The following PCLO variants were observed in gnomAD, a reference collection of about 807,000 sequenced individuals.
PCLO encodes protein piccolo.
PCLO carries 82 observed loss-of-function variants against 427.5 expected under a neutral mutation model. The ratio of observed to expected loss-of-function variants is 0.19; its 90% CI spans 0.16 to 0.23. The LOEUF (loss-of-function observed/expected upper bound fraction) is 0.23, where lower values mean the gene tolerates loss of function less well. PCLO is among the 10% of genes least tolerant of loss of function. PCLO has a pLI of 1.00. For missense variants in PCLO, 6,239 were observed against 6,115.9 expected (o/e 1.02, Z -0.67); for synonymous variants, 2,357 against 2,155.4 (o/e 1.09, Z -2.59).
At chr7:83,132,659 A>T (rs1389909872) in intron 3 of PCLO, among the ~76,000 whole-genome samples, 6 of 152,118 alleles carry the variant, frequency 3.9e-5, no homozygotes, top group African/African-American at 1.4e-4. Flanking sequence ...ATTTTAAGTT[A>T]TAGTGCTCAA....
chr7:82,808,409 T>A (rs1038964693), intron 20 of PCLO, among the ~76,000 whole-genome samples: 1 of 151,944 alleles, frequency 6.6e-6, no homozygotes. Context: ...GATTTTTAGT[T>A]CTATTCCTCT....
At position 82,956,368 on chromosome 7, in the gene PCLO, G is replaced by C; in HGVS notation, c.4585C>G (p.Arg1529Gly). The C allele has an allele frequency of 6.2e-7, 1 of 1,613,238 alleles. No homozygotes were observed. The highest frequency in any genetic ancestry group is 8.5e-7 in the Non-Finnish European group (1 of 1,179,824). The change falls in exon 5 of 25, where the codon CGA becomes GGA. Residue 1529 changes from arginine (R) to glycine (G), a missense_variant. By Grantham distance (125) the Arg-to-Gly change is moderately radical (BLOSUM62 -2). Transcript: ENST00000333891. ...CTTGATGAGCCAACACTAGTTCTTC[G>C]TTTTCTTTGTGGAACAGGTGAGTTT... is the stretch of plus-strand genomic sequence containing the variant. ...SENSPVPQRK[R>G]RTSVGSSSSD...
At chr7:82,796,616 A>G (rs79976136) in intron 22 of PCLO, among the ~76,000 whole-genome samples, 1,534 of 152,004 alleles carry the variant, frequency 0.01, 17 homozygotes, top group African/African-American at 0.035. Context: ...ATTCCAAAGC[A>G]TATAATTTTC....
rs144768812 is a variant in PCLO, at chr7:83,086,261, C to T, written c.3300+47989G>A. The stretch of plus-strand genomic sequence containing the variant: ...AAGTAGCTGGGATTATAGGCACATG[C>T]TACCACGCCCAGCTAATTTTTGTAT... On this transcript the variant is annotated intron_variant, in intron 3 of 24. Transcript: ENST00000333891. 8.5e-3 allele frequency among the ~76,000 whole-genome samples: 1,290 copies of T among 152,224 alleles called. 11 individuals are homozygous for T. The highest frequency in any genetic ancestry group is 0.014 in the Non-Finnish European group (932 of 68,016).
At chr7:83,106,906 A>G (rs897931844) in intron 3 of PCLO, among the ~76,000 whole-genome samples, 2 of 152,102 alleles carry the variant, frequency 1.3e-5, no homozygotes, top group Non-Finnish European at 2.9e-5. Context: ...TCTAGTAAGA[A>G]AAATATTTAA....
chr7:82,902,693 T>C lies in PCLO; in HGVS notation c.13486A>G (p.Arg4496Gly). The C allele has an allele frequency of 6.2e-7, 1 of 1,601,798 alleles. No homozygotes were observed. Among genetic ancestry groups the C allele is most frequent in the Non-Finnish European group, 8.5e-7 (1 of 1,169,782 alleles). Reference sequence around the variant, plus strand: ...TTTGAGTCTCTTGTTATTTTTATCCTTGCGTGAGGAAAGATGTAGTGCATA... The same window carrying C: ...TTTGAGTCTCTTGTTATTTTTATCCCTGCGTGAGGAAAGATGTAGTGCATA... Reference protein sequence around the residue: ...KTMHYIFPHARIKITRDSKDH... With the variant: ...KTMHYIFPHAGIKITRDSKDH... Residue 4496 changes from arginine to glycine, a missense_variant, in exon 9 of 25, where the codon AGG becomes GGG. By Grantham distance (125) the Arg-to-Gly change is moderately radical. Around this residue, in one of 5 missense-constraint regions of PCLO, gnomAD observed 877 missense variants for 925.5 expected, o/e 0.95. Coordinates refer to ENST00000333891, the MANE Select transcript of PCLO (RefSeq NM_033026.6).
At chr7:82,876,995 T>C (rs772318576) in intron 10 of PCLO, among the ~76,000 whole-genome samples, 1 of 152,290 alleles carries the variant, frequency 6.6e-6, no homozygotes. Flanking sequence ...TTTTTAATGA[T>C]TTCTCACTTA....
intron 22 of PCLO, among the ~76,000 whole-genome samples, chr7:82,800,657 G>A (rs1305105678): frequency 1.3e-5 from 2 of 151,942 alleles, no homozygotes; most frequent in African/African-American, 2.4e-5. Flanking sequence ...GTGCAGTGGC[G>A]AGATCTGGGC....
intron 3 of PCLO, among the ~76,000 whole-genome samples, chr7:83,028,645 G>A (rs1459717593): frequency 4.5e-4 from 67 of 149,052 alleles, no homozygotes; most frequent in South Asian, 6.6e-4. Context: ...AGCCCGCATC[G>A]CCAAGTCAAT....
chr7:83,111,102 C>T (rs77056919), intron 3 of PCLO, among the ~76,000 whole-genome samples: 4,507 of 152,298 alleles, frequency 0.03, 120 homozygotes, highest in East Asian at 0.079. Context: ...TGATTTACAT[C>T]CATATGTCAA....
chr7:83,073,101 C>T (rs1436514940), intron 3 of PCLO, among the ~76,000 whole-genome samples: 2 of 152,002 alleles, frequency 1.3e-5, no homozygotes, highest in Middle Eastern at 3.4e-3. Flanking sequence ...TTTTATGTCC[C>T]TGCGGACAGC....
Position 82,949,601 on chromosome 7 carries a change from T to C in PCLO, c.10987A>G (p.Lys3663Glu). The C allele has an allele frequency of 1.2e-6, 2 of 1,613,872 alleles. No individual in the cohort carries two copies. Among genetic ancestry groups the C allele is most frequent in the Middle Eastern group, 1.6e-4 (1 of 6,062 alleles). Residue 3663 changes from lysine to glutamate, a missense_variant, in exon 6 of 25, where the codon AAA becomes GAA. Lys to Glu is a moderately conservative substitution (Grantham distance 56). Around this residue, in one of 5 missense-constraint regions of PCLO, gnomAD observed 4,677 missense variants for 4,468.4 expected, o/e 1.05. Coordinates refer to ENST00000333891, the MANE Select transcript of PCLO (RefSeq NM_033026.6). The stretch of plus-strand genomic sequence containing the variant: ...GTCTTAGGACTTGCTGGGGGAACTT[T>C]AGCCATATCTGGATGCAGTACTTTC... ...PQKVLHPDMA[K>E]VPPASPKTAK... is the part of the protein sequence containing the mutation.
rs765531582 is a variant in PCLO at position 83,154,714 on chromosome 7, GAA to G, written c.1893+32_1893+33del. 2.7e-6 allele frequency: 4 copies of G among 1,456,746 alleles called. No individual in the cohort carries two copies. In the African/African-American group the frequency reaches 4.2e-5, roughly 15 times the overall value. The allele number at this position is 1,456,746 out of a possible 1,614,324, so 90.2% of individuals were successfully genotyped here. A position where few individuals can be genotyped will look rare whatever the true frequency, so the allele number is the denominator to read the frequency against. ...ATTTGTATAAGAGGATGATATGGCT[GAA>G]GAGTATGGACTCAGTGAATAAATGC... On this transcript the variant is annotated intron_variant, in intron 2 of 24. Transcript: ENST00000333891.
chr7:82,826,624 A>G lies in PCLO; in HGVS notation c.14380T>C (p.Tyr4794His), dbSNP rs777115795. ...KKTLEVTVWDYDRFSSNDFLG... is the reference protein window; with the variant it reads ...KKTLEVTVWDHDRFSSNDFLG... ...AAGTCGTTGGATGAAAATCTATCAT[A>G]ATCCCAAACTGTCACCTCCAGTGTT... The change falls in exon 18 of 25, where the codon TAT becomes CAT. Residue 4794 changes from tyrosine (Y) to histidine (H), a missense_variant. By Grantham distance (83) the Tyr-to-His change is moderately conservative. This residue lies in a region of PCLO where 877 missense variants were observed against 925.5 expected (regional missense o/e 0.95). Coordinates refer to ENST00000333891, the MANE Select transcript of PCLO (RefSeq NM_033026.6). 1.9e-6 allele frequency: 3 copies of G among 1,608,010 alleles called. No homozygotes were observed.
At position 82,838,224 on chromosome 7, in the gene PCLO, C is replaced by T. The variant is rs748482219; in HGVS notation, c.14216G>A (p.Gly4739Glu). The T allele has an allele frequency of 1.9e-6, 3 of 1,598,738 alleles. No individual in the cohort carries two copies. Among genetic ancestry groups the T allele is most frequent in the Non-Finnish European group, 2.6e-6 (3 of 1,170,120 alleles). Reference protein sequence around the residue: ...DPFVKVYLLPGRGQVMVVQNA... With the variant: ...DPFVKVYLLPERGQVMVVQNA... ...ACTTCTTAATTTTACTTACCCTCTC[C>T]CTGGAAGAAGGTACACTTTCACAAA... The change falls in exon 15 of 25, where the codon GGG becomes GAG. Residue 4739 changes from glycine (G) to glutamate (E), a missense_variant. By Grantham distance (98) the Gly-to-Glu change is moderately conservative. This residue lies in a region of PCLO where 877 missense variants were observed against 925.5 expected (regional missense o/e 0.95). Transcript: ENST00000333891.
intron 3 of PCLO, among the ~76,000 whole-genome samples, chr7:83,003,622 T>C (rs1787876934): frequency 6.6e-6 from 1 of 151,930 alleles, no homozygotes; most frequent in South Asian, 2.1e-4. Context: ...TTATCCTTCC[T>C]CTATTAATGT....
At chr7:83,000,408 G>T (rs1787792561) in intron 3 of PCLO, among the ~76,000 whole-genome samples, 1 of 151,954 alleles carries the variant, frequency 6.6e-6, no homozygotes, top group Non-Finnish European at 1.5e-5. Context: ...TTTGTTGCCA[G>T]TAGACCTGCC....
At chr7:82,762,048 A>G (rs1222167765) in intron 22 of PCLO, among the ~76,000 whole-genome samples, 1 of 152,148 alleles carries the variant, frequency 6.6e-6, no homozygotes, top group Non-Finnish European at 1.5e-5. Flanking sequence ...CTCTGTGCTA[A>G]GCACTCCACT....
At chr7:83,019,199 C>A (rs770799045) in intron 3 of PCLO, among the ~76,000 whole-genome samples, 5 of 151,852 alleles carry the variant, frequency 3.3e-5, no homozygotes, top group Non-Finnish European at 5.9e-5. Flanking sequence ...ATTTTTAGTT[C>A]CCTCAATATG....
Sources: gnomAD v4.1 joint callset for allele counts (sites outside exome capture counted in the v4.1 genomes callset) on GRCh38, gnomAD v4.1.1 for gene constraint, gnomAD v4.1.1 regional missense constraint, MANE v1.5 for transcripts, NCBI Gene and HGNC (gene_info 2026-07-23, HGNC 2026-07-21) for gene names.